The following KLF9 variants were observed in gnomAD, a reference collection of about 807,000 sequenced individuals.
KLF9 encodes KLF transcription factor 9, also known as Krueppel-like factor 9.
A neutral mutation model predicts 17.3 loss-of-function variants in KLF9; 2 were observed. The observed-to-expected ratio is 0.12, with a 90% CI of 0.05 to 0.36. The LOEUF is 0.36. Ranked by LOEUF, KLF9 falls within the 10% of genes least tolerant of loss-of-function variation. KLF9 has a pLI of 1.00. For synonymous variants in KLF9, 138 were observed against 139.2 expected (o/e 0.99, Z 0.06); for missense variants, 226 against 333.2 (o/e 0.68, Z 2.51).
At chr9:70,409,180 GTATACATATACA>G (rs200615405) in intron 1 of KLF9, among the ~76,000 whole-genome samples, 11,391 of 68,892 alleles carry the variant, frequency 0.17, 2,063 homozygotes, top group Non-Finnish European at 0.26. Context: ...GTATATATAT[GTATACATATACA>G]TGTATATGTA....
chr9:70,395,959 T>C (rs757795092), intron 1 of KLF9, among the ~76,000 whole-genome samples: 1 of 152,068 alleles, frequency 6.6e-6, no homozygotes, highest in Non-Finnish European at 1.5e-5. Flanking sequence ...AATAAATACA[T>C]AAATAAAATA....
intron 1 of KLF9, among the ~76,000 whole-genome samples, chr9:70,390,002 G>A (rs1346396280): frequency 6.6e-6 from 1 of 152,202 alleles, no homozygotes; most frequent in African/African-American, 2.4e-5. Flanking sequence ...CCAGCGTGGT[G>A]CATTTGAGTC....
At chr9:70,412,019 C>T (rs1467808830) in intron 1 of KLF9, among the ~76,000 whole-genome samples, 3 of 151,888 alleles carry the variant, frequency 2.0e-5, no homozygotes, top group Admixed American at 2.0e-4. Flanking sequence ...GTCTTTCTGG[C>T]CACATTCATT....
At chr9:70,394,966 T>C (rs2037174732) in intron 1 of KLF9, among the ~76,000 whole-genome samples, 1 of 152,242 alleles carries the variant, frequency 6.6e-6, no homozygotes, top group African/African-American at 2.4e-5. Flanking sequence ...TTTCTAGAAC[T>C]TGACAAAGTT....
At chr9:70,403,780 C>T (rs2037239898) in intron 1 of KLF9, among the ~76,000 whole-genome samples, 1 of 152,154 alleles carries the variant, frequency 6.6e-6, no homozygotes, top group Admixed American at 6.5e-5. Context: ...GGGAAGGAAG[C>T]AGCTTCTGGA....
chr9:70,406,253 T>C (rs2118923391), intron 1 of KLF9, among the ~76,000 whole-genome samples: 1 of 152,312 alleles, frequency 6.6e-6, no homozygotes, highest in East Asian at 1.9e-4. Context: ...AACTACCTAG[T>C]ACCCTCATGA....
intron 1 of KLF9, among the ~76,000 whole-genome samples, chr9:70,397,314 A>G (rs573606658): frequency 1.3e-5 from 2 of 152,140 alleles, no homozygotes; most frequent in African/African-American, 4.8e-5. Flanking sequence ...GTCTCTACTA[A>G]AAATACAAAA....
chr9:70,394,942 C>A (rs532658084), intron 1 of KLF9, among the ~76,000 whole-genome samples: 2 of 152,052 alleles, frequency 1.3e-5, no homozygotes, highest in Non-Finnish European at 2.9e-5. Context: ...TAACACACAC[C>A]GTAAGAATTT....
chr9:70,411,371 A>C (rs1354265494), intron 1 of KLF9, among the ~76,000 whole-genome samples: 3 of 152,186 alleles, frequency 2.0e-5, no homozygotes, highest in African/African-American at 7.2e-5. Flanking sequence ...CCTCCAGTTA[A>C]TATACCCCTA....
chr9:70,412,346 C>A (rs924216636), intron 1 of KLF9, among the ~76,000 whole-genome samples: 10 of 152,142 alleles, frequency 6.6e-5, no homozygotes, highest in South Asian at 4.1e-4. Context: ...AAATTTAAAA[C>A]CACCTTGGCA....
intron 1 of KLF9, 42 bp from the exon 2 acceptor site, chr9:70,388,047 G>GA (rs775042488): frequency 3.9e-6 from 6 of 1,539,220 alleles, no homozygotes; most frequent in South Asian, 1.1e-5. Flanking sequence ...CAAAGAACAT[G>GA]AAAAAAATTC....
In KLF9 at chr9:70,413,388, G is replaced by A. The variant is rs2037343110; in HGVS notation, c.-25C>T. 6.8e-7 allele frequency: 1 copy of A among 1,470,818 alleles called. No homozygotes were observed. The highest frequency in any genetic ancestry group is 9.0e-7 in the Non-Finnish European group (1 of 1,113,168). 91.1% of individuals were successfully genotyped at this position (1,470,818 alleles called of 1,614,324 possible). On this transcript the variant is annotated 5_prime_UTR_variant, in exon 1 of 2. Coordinates refer to ENST00000377126, the MANE Select transcript of KLF9 (RefSeq NM_001206.4). The surrounding 1 kb of genome is among the most constrained non-coding windows in gnomAD (Gnocchi z 5.6). ...TGGTGCGGGCGACGGCAGCCCAGGC[G>A]GCGCGGACAAACTTGGCGGTGGCTG...
chr9:70,405,294 C>G lies in KLF9; in HGVS notation c.505+7565G>C, dbSNP rs115360524. ...CGGAGGCTCAGCTTGGAAAAATGTT[C>G]AAACTTCATTGAATACATAACACCA... is the stretch of plus-strand genomic sequence containing the variant. On this transcript the variant is annotated intron_variant, in intron 1 of 1. Transcript: ENST00000377126. Among the ~76,000 whole-genome samples the G allele has an allele frequency of 5.1e-3, 781 of 152,308 alleles. 7 individuals carry two copies. Among genetic ancestry groups the G allele is most frequent in the African/African-American group, 0.018 (743 of 41,568 alleles).
At chr9:70,391,861 A>G (rs1481064068) in intron 1 of KLF9, among the ~76,000 whole-genome samples, 1 of 152,254 alleles carries the variant, frequency 6.6e-6, no homozygotes, top group Non-Finnish European at 1.5e-5. Context: ...TTGTCTGCAT[A>G]TAGTTTTATT....
At chr9:70,388,613 G>A (rs906327208) in intron 1 of KLF9, among the ~76,000 whole-genome samples, 1 of 152,106 alleles carries the variant, frequency 6.6e-6, no homozygotes, top group Admixed American at 6.5e-5. Flanking sequence ...ATTCTTTCAA[G>A]AGTAAAAAAG....
rs2037103574 is a variant in KLF9, at chr9:70,385,437, A to G, written c.*2339T>C. The G allele has an allele frequency of 6.6e-6, 1 of 152,644 alleles. No homozygotes were observed. 9.5% of individuals were successfully genotyped at this position (152,644 alleles called of 1,614,324 possible). ...AAGTAACAACTTTTTTGGGAAGTAA[A>G]TTGTGCATTTTTTTAAAACAAGTTG... On this transcript the variant is annotated 3_prime_UTR_variant, in exon 2 of 2. Coordinates refer to ENST00000377126, the MANE Select transcript of KLF9 (RefSeq NM_001206.4).
chr9:70,389,780 G>T (rs114792887), intron 1 of KLF9, among the ~76,000 whole-genome samples: 207 of 152,268 alleles, frequency 1.4e-3, no homozygotes, highest in African/African-American at 4.7e-3. Flanking sequence ...GACTGCCATC[G>T]CCCTGGCTCC....
At chr9:70,393,800 C>A (rs1290639377) in intron 1 of KLF9, among the ~76,000 whole-genome samples, 1 of 152,104 alleles carries the variant, frequency 6.6e-6, no homozygotes, top group East Asian at 1.9e-4. Context: ...CAAGATGGAT[C>A]ACTTGAACAC....
At chr9:70,411,275 G>A (rs1316653784) in intron 1 of KLF9, among the ~76,000 whole-genome samples, 2 of 152,178 alleles carry the variant, frequency 1.3e-5, no homozygotes, top group Non-Finnish European at 2.9e-5. Flanking sequence ...TGCTCAAGGT[G>A]GCAGTGGGTG....
Sources: allele counts gnomAD v4.1 joint callset (sites outside exome capture counted in the v4.1 genomes callset), GRCh38; gene constraint gnomAD v4.1.1; non-coding constraint Gnocchi (gnomAD v3.1); transcripts MANE v1.5; gene names NCBI Gene and HGNC (gene_info 2026-07-23, HGNC 2026-07-21).